PTPRE: variants seen among roughly 807,000 people sequenced by gnomAD.
PTPRE encodes the protein protein tyrosine phosphatase receptor type E.
A neutral mutation model predicts 102.0 loss-of-function variants in PTPRE; 51 were observed. The ratio of observed to expected loss-of-function variants is 0.50; its 90% CI spans 0.40 to 0.63. The LOEUF (loss-of-function observed/expected upper bound fraction) is 0.63, where lower values mean the gene tolerates loss of function less well. PTPRE is among the 30% of genes least tolerant of loss of function. The pLI, the probability that PTPRE is intolerant of heterozygous loss-of-function variation, is 0.00. For missense variants in PTPRE, 752 were observed against 915.1 expected (o/e 0.82, Z 2.30); for synonymous variants, 345 against 348.2 (o/e 0.99, Z 0.10).
In PTPRE at chr10:128,040,852, A is replaced by G. The variant is rs370425175; in HGVS notation, c.-7-23A>G. The G allele has an allele frequency of 6.2e-6, 10 of 1,600,128 alleles. No individual in the cohort carries two copies. The African/African-American group carries it at 1.2e-4, about 19-fold the overall frequency. On this transcript the variant is annotated intron_variant, in intron 2 of 20. Transcript: ENST00000254667. ...CACAGCTGCTGCTGGATGACCTCTG[A>G]GCCTGTCCCTGCCTCTCTGCAGGTC...
In PTPRE at chr10:127,907,167, C is replaced by A; in HGVS notation, c.-173C>A. 1 of 747,374 alleles carries A rather than the reference C, an allele frequency of 1.3e-6. No individual in the cohort carries two copies. Among genetic ancestry groups the A allele is most frequent in the Non-Finnish European group, 1.6e-6 (1 of 613,200 alleles). The allele number at this position is 747,374 out of a possible 1,614,324, so 46.3% of individuals were successfully genotyped here. On this transcript the variant is annotated 5_prime_UTR_variant, in exon 1 of 21. Transcript: ENST00000254667. The surrounding 1 kb of genome is among the most constrained non-coding windows in gnomAD (Gnocchi z 4.8). ...GAGCCGGCGCGAGCGGCTTCAGGAA[C>A]CCACGGCCTCTGCGCGTCCCCGCGA...
At chr10:127,970,216 C>A (rs1850620235) in intron 1 of PTPRE, among the ~76,000 whole-genome samples, 1 of 152,154 alleles carries the variant, frequency 6.6e-6, no homozygotes, top group African/African-American at 2.4e-5. Flanking sequence ...GGACACCCCA[C>A]AATGATGAGG....
intron 1 of PTPRE, among the ~76,000 whole-genome samples, chr10:127,925,254 A>C (rs1309870521): frequency 6.6e-6 from 1 of 152,228 alleles, no homozygotes; most frequent in Non-Finnish European, 1.5e-5. Context: ...AAAGCAAGAA[A>C]GACGTTACAG....
intron 1 of PTPRE, among the ~76,000 whole-genome samples, chr10:127,941,647 G>A (rs1265458640): frequency 1.3e-5 from 2 of 152,348 alleles, no homozygotes; most frequent in South Asian, 2.1e-4. Context: ...AGCCGCACTT[G>A]GTTTCTGGAC....
At chr10:127,968,824 C>T (rs11596263) in intron 1 of PTPRE, among the ~76,000 whole-genome samples, 2,155 of 152,312 alleles carry the variant, frequency 0.014, 34 homozygotes, top group East Asian at 0.025. Flanking sequence ...AATGCCAGCT[C>T]CCTTTCCCTG....
At chr10:128,015,654 G>T (rs147794112) in intron 2 of PTPRE, among the ~76,000 whole-genome samples, 1 of 152,126 alleles carries the variant, frequency 6.6e-6, no homozygotes, top group Non-Finnish European at 1.5e-5. Context: ...GAGCTACCAC[G>T]TCCAGCTGAG....
At chr10:127,990,945 A>G (rs911824292) in intron 2 of PTPRE, among the ~76,000 whole-genome samples, 2 of 152,212 alleles carry the variant, frequency 1.3e-5, no homozygotes, top group Non-Finnish European at 2.9e-5. Context: ...CTCAAACAGA[A>G]ATGTTAGTTA....
Position 127,907,247 on chromosome 10 carries a change from C to A in PTPRE, c.-93C>A. On this transcript the variant is annotated 5_prime_UTR_variant, in exon 1 of 21. Coordinates refer to ENST00000254667, the MANE Select transcript of PTPRE (RefSeq NM_006504.6). This position sits in a 1 kb window ranked among gnomAD's most constrained non-coding sequence, Gnocchi z 4.8. ...GGCGCCCCGGAGGGCGGCGGGCAGG[C>A]GCCCGGGAGATGCGGAGCCTCCGCT... The A allele has an allele frequency of 4.1e-6, 4 of 984,580 alleles. No individual in the cohort carries two copies. The highest frequency in any genetic ancestry group is 4.8e-6 in the Non-Finnish European group (4 of 829,598). 61.0% of individuals were successfully genotyped at this position (984,580 alleles called of 1,614,324 possible). A position where few individuals can be genotyped will look rare whatever the true frequency, so the allele number is the denominator to read the frequency against.
At chr10:128,056,569 G>A (rs1848983358) in intron 7 of PTPRE, among the ~76,000 whole-genome samples, 2 of 152,226 alleles carry the variant, frequency 1.3e-5, no homozygotes, top group Admixed American at 1.3e-4. Context: ...GCCTGCCAGT[G>A]GCCCTGGGCA....
chr10:128,021,312 C>G (rs1262512174), intron 2 of PTPRE, among the ~76,000 whole-genome samples: 2 of 152,242 alleles, frequency 1.3e-5, no homozygotes, highest in Non-Finnish European at 2.9e-5. Context: ...GCCACACAGG[C>G]CTCTGAAGGG....
At chr10:127,955,885 G>T (rs1849366547) in intron 1 of PTPRE, among the ~76,000 whole-genome samples, 1 of 152,074 alleles carries the variant, frequency 6.6e-6, no homozygotes, top group Admixed American at 6.6e-5. Context: ...GAGAGAGAAG[G>T]GGAAAGTGTC....
intron 6 of PTPRE, among the ~76,000 whole-genome samples, chr10:128,055,028 A>G (rs1010452204): frequency 1.3e-5 from 2 of 152,086 alleles, no homozygotes; most frequent in African/African-American, 4.8e-5. Context: ...TCACCCATAA[A>G]ACGGGGACCA....
chr10:128,005,180 G>C (rs1394099647), intron 2 of PTPRE, among the ~76,000 whole-genome samples: 1 of 152,218 alleles, frequency 6.6e-6, no homozygotes, highest in Non-Finnish European at 1.5e-5. Context: ...TTCACATTCT[G>C]TAGGTCATCT....
chr10:128,067,909 C>T (rs1357668572), intron 11 of PTPRE, among the ~76,000 whole-genome samples: 2 of 152,102 alleles, frequency 1.3e-5, no homozygotes, highest in Non-Finnish European at 2.9e-5. Flanking sequence ...ACGGTTGCTG[C>T]GGGCCCTGTT....
intron 6 of PTPRE, among the ~76,000 whole-genome samples, chr10:128,050,142 A>C (rs945018799): frequency 7.2e-6 from 1 of 138,908 alleles, no homozygotes; most frequent in Non-Finnish European, 1.5e-5. Context: ...CTGCCTTGAG[A>C]GAACACTAGC....
intron 1 of PTPRE, among the ~76,000 whole-genome samples, chr10:127,910,066 ATT>A (rs377150550): frequency 8.5e-5 from 13 of 152,290 alleles, no homozygotes; most frequent in African/African-American, 3.1e-4. Flanking sequence ...CATTTATAAC[ATT>A]TGAGTCACCC....
intron 2 of PTPRE, among the ~76,000 whole-genome samples, chr10:128,031,034 GC>G (rs755727269): frequency 6.6e-6 from 1 of 152,230 alleles, no homozygotes; most frequent in Non-Finnish European, 1.5e-5. Flanking sequence ...GGGAGGAGGG[GC>G]CAAGGGCAGT....
chr10:128,020,022 CTGTG>C (rs34036600), intron 2 of PTPRE, among the ~76,000 whole-genome samples: 11,066 of 150,778 alleles, frequency 0.073, 988 homozygotes, highest in African/African-American at 0.22. Flanking sequence ...AGGGTGGAGG[CTGTG>C]TGTGTGTGTG....
In PTPRE at chr10:127,907,436, G is replaced by C. The variant is rs1195470185; in HGVS notation, c.-31+127G>C. The C allele has an allele frequency of 1.4e-6, 1 of 708,588 alleles. No individual in the cohort carries two copies. Among genetic ancestry groups the C allele is most frequent in the African/African-American group, 1.9e-5 (1 of 51,342 alleles). 43.9% of individuals were successfully genotyped at this position (708,588 alleles called of 1,614,324 possible). ...GGGAGGGGCCGCTCCGGGGCTCAGA[G>C]TCCGGACCCCGGCCCCGCCGCCCCC... On this transcript the variant is annotated intron_variant, in intron 1 of 20. Transcript: ENST00000254667. The surrounding 1 kb of genome is among the most constrained non-coding windows in gnomAD (Gnocchi z 4.8).
Sources: gnomAD v4.1 joint callset for allele counts (sites outside exome capture counted in the v4.1 genomes callset) on GRCh38, gnomAD v4.1.1 for gene constraint, Gnocchi (gnomAD v3.1) non-coding constraint, MANE v1.5 for transcripts, NCBI Gene and HGNC (gene_info 2026-07-23, HGNC 2026-07-21) for gene names.